PPL: variants seen among roughly 807,000 people sequenced by gnomAD.
PPL encodes 190 kDa paraneoplastic pemphigus antigen.
Under a neutral mutation model 194.4 loss-of-function variants are expected in PPL, and 198 were observed. The observed-to-expected ratio is 1.02, with a 90% CI of 0.91 to 1.15. PPL has a LOEUF of 1.15. Among genes scored for constraint, PPL ranks in the 50% most tolerant of loss-of-function variants. PPL has a pLI of 0.00. For missense variants in PPL, 2,885 were observed against 2,294.8 expected (o/e 1.26, Z -5.25); for synonymous variants, 1,220 against 972.4 (o/e 1.25, Z -4.74).
intron 6 of PPL, among the ~76,000 whole-genome samples, chr16:4,900,627 G>A (rs563773001): frequency 4.0e-5 from 6 of 151,700 alleles, no homozygotes; most frequent in African/African-American, 1.4e-4. Context: ...TTGTAGAGCT[G>A]GAGTCTCACT....
At chr16:4,907,079 TA>T (rs57847738) in intron 2 of PPL, among the ~76,000 whole-genome samples, 31,883 of 76,242 alleles carry the variant, frequency 0.42, 5,187 homozygotes, top group East Asian at 0.61. Flanking sequence ...ACCCTATCTC[TA>T]AAAAAAAAAA....
chr16:4,887,323 G>A lies in PPL; in HGVS notation c.2515-96C>T, dbSNP rs187474595. On this transcript the variant is annotated intron_variant, in intron 20 of 21. Coordinates refer to ENST00000345988, the MANE Select transcript of PPL (RefSeq NM_002705.5). ...AGCGTGGACGTGGTTCTTGAGAAGT[G>A]TGGAATTTGGGGGTAGAGGCATAGC... The A allele has an allele frequency of 6.4e-6, 6 of 934,530 alleles. No homozygotes were observed. In the East Asian group the frequency reaches 9.7e-5, roughly 15 times the overall value. 57.9% of individuals were successfully genotyped at this position (934,530 alleles called of 1,614,324 possible).
At chr16:4,911,088 G>C (rs1191515278) in intron 1 of PPL, 139 bp from the exon 2 acceptor site, 2 of 656,736 alleles carry the variant, frequency 3.0e-6, no homozygotes, top group African/African-American at 1.8e-5. Flanking sequence ...AGGTAGTTGG[G>C]CTGTTCCCAT....
intron 1 of PPL, among the ~76,000 whole-genome samples, chr16:4,935,090 C>T (rs1356575544): frequency 3.3e-5 from 5 of 152,132 alleles, no homozygotes; most frequent in South Asian, 2.1e-4. Flanking sequence ...TAGGACAGAC[C>T]GTGGCTGCCT....
chr16:4,901,089 C>G lies in PPL; in HGVS notation c.439G>C (p.Asp147His). The G allele has an allele frequency of 6.2e-7, 1 of 1,614,042 alleles. No homozygotes were observed. The highest frequency in any genetic ancestry group is 1.6e-4 in the Middle Eastern group (1 of 6,062). ...NWAALVEEKL[D>H]KLNNQSFGTD... ...CCAAAGCTCTGGTTGTTCAGCTTGTCCTGGCCAGGAGGGCAGAGAAGCAAT... is the reference window on the plus strand; with the variant it reads ...CCAAAGCTCTGGTTGTTCAGCTTGTGCTGGCCAGGAGGGCAGAGAAGCAAT... The change falls in exon 5 of 22, where the codon GAC (aspartate) becomes CAC (histidine). Residue 147 changes from aspartate to histidine, a missense_variant and splice_region_variant. Physicochemically the swap from Asp to His is moderately conservative, Grantham distance 81. Coordinates refer to ENST00000345988, the MANE Select transcript of PPL (RefSeq NM_002705.5).
chr16:4,890,585 G>C, intron 17 of PPL, 143 bp downstream of exon 17: 1 of 1,115,808 alleles, frequency 9.0e-7, no homozygotes. Flanking sequence ...TCAAAAGAGA[G>C]ACCACAGGGC....
intron 2 of PPL, among the ~76,000 whole-genome samples, chr16:4,905,113 G>C (rs1016171540): frequency 6.6e-6 from 1 of 152,180 alleles, no homozygotes. Flanking sequence ...ATGTCACTGA[G>C]GGGAATGAGT....
intron 12 of PPL, 76 bp from the exon 13 acceptor site, chr16:4,893,714 C>A: frequency 7.7e-7 from 1 of 1,303,262 alleles, no homozygotes; most frequent in Non-Finnish European, 1.1e-6. Context: ...ACTGCGGACT[C>A]TGGCTGGGCA....
At chr16:4,915,896 G>C (rs1310218545) in intron 1 of PPL, among the ~76,000 whole-genome samples, 2 of 152,166 alleles carry the variant, frequency 1.3e-5, no homozygotes, top group East Asian at 1.9e-4. Context: ...GCAGAGCCAG[G>C]ACTCTAGGCC....
chr16:4,925,251 G>C (rs112009321), intron 1 of PPL, among the ~76,000 whole-genome samples: 108 of 152,330 alleles, frequency 7.1e-4, no homozygotes, highest in African/African-American at 2.4e-3. Context: ...GGCCAGCTTG[G>C]GGGAGGTGCA....
chr16:4,919,243 G>T (rs1226830609), intron 1 of PPL, among the ~76,000 whole-genome samples: 1 of 152,150 alleles, frequency 6.6e-6, no homozygotes, highest in East Asian at 1.9e-4. Flanking sequence ...ACCCAGATGA[G>T]CAAACCAAGG....
rs764222308 is a variant in PPL at position 4,885,465 on chromosome 16, G to T, written c.3190C>A (p.Pro1064Thr). Reference protein sequence around the residue: ...EKEVVKLQNDPQLEAEYQQLQ... With the variant: ...EKEVVKLQNDTQLEAEYQQLQ... ...TGCTGGTACTCTGCCTCCAGCTGGG[G>T]GTCATTCTGCAGTTTCACCACCTCT... Residue 1064 changes from proline (P) to threonine (T), a missense_variant, in exon 22 of 22, where the codon CCC (proline) becomes ACC (threonine). Transcript: ENST00000345988. The surrounding 1 kb of genome is among the most constrained non-coding windows in gnomAD (Gnocchi z 6.3). 1 of 1,612,242 alleles carries T rather than the reference G, an allele frequency of 6.2e-7. No individual in the cohort carries two copies.
Position 4,885,361 on chromosome 16 carries a change from G to A in PPL, c.3294C>T (p.Leu1098=). 6.2e-7 allele frequency: 1 copy of A among 1,612,702 alleles called. No individual in the cohort carries two copies. Residue 1098 remains leucine (L), a synonymous_variant, in exon 22 of 22, where the codon CTC becomes CTT. Coordinates refer to ENST00000345988, the MANE Select transcript of PPL (RefSeq NM_002705.5). This position sits in a 1 kb window ranked among gnomAD's most constrained non-coding sequence, Gnocchi z 6.3. ...TGGCCCGCTCCTTCTCTAGCCTCTT[G>A]AGCTTGTCCTGGAGGAAGCTCAGCT... The part of the protein sequence containing the change: ...EEELSFLQDK[L]KRLEKERAMA...
chr16:4,924,347 G>A (rs1205182751), intron 1 of PPL, among the ~76,000 whole-genome samples: 1 of 152,156 alleles, frequency 6.6e-6, no homozygotes, highest in Admixed American at 6.5e-5. Flanking sequence ...TACGTGCACA[G>A]CCCATGTCAC....
Position 4,902,494 on chromosome 16 carries a change from A to G in PPL, c.350T>C (p.Leu117Pro). 2 of 1,613,680 alleles carry G rather than the reference A, an allele frequency of 1.2e-6. No individual in the cohort carries two copies. ...IRQLKERVTN[L>P]RGKHKQIYRL... is the part of the protein sequence containing the mutation. ...GTAGATCTGCTTGTGTTTCCCGCGC[A>G]GGTTGGTCACACGCTCCTTCAGCTG... The change falls in exon 4 of 22, where the codon CTG becomes CCG. Residue 117 changes from leucine to proline, a missense_variant. Coordinates refer to ENST00000345988, the MANE Select transcript of PPL (RefSeq NM_002705.5). This position sits in a 1 kb window ranked among gnomAD's most constrained non-coding sequence, Gnocchi z 4.0.
Position 4,937,040 on chromosome 16 carries a change from G to T in PPL, c.6C>A (p.Asn2Lys). The T allele has an allele frequency of 6.7e-7, 1 of 1,489,692 alleles. No individual in the cohort carries two copies. Among genetic ancestry groups the T allele is most frequent in the Non-Finnish European group, 9.0e-7 (1 of 1,114,060 alleles). The allele number at this position is 1,489,692 out of a possible 1,614,324, so 92.3% of individuals were successfully genotyped here. M[N>K]SLFRKRNKGK... The stretch of plus-strand genomic sequence containing the variant: ...CTTTGTTTCTCTTCCTGAAGAGCGA[G>T]TTCATGGTGGCGCTCGGGGTGCGGG... Residue 2 changes from asparagine (N) to lysine (K), a missense_variant, in exon 1 of 22, where the codon AAC (asparagine) becomes AAA (lysine). Transcript: ENST00000345988.
rs147643772 is a variant in PPL, at chr16:4,921,534, T to C, written c.63-10585A>G. ...CAGGCTGGAGTGCAGTGGCATGATC[T>C]TGGCTCACTGCAACCTCTGCCTCCT... is the stretch of plus-strand genomic sequence containing the variant. On this transcript the variant is annotated intron_variant, in intron 1 of 21. Coordinates refer to ENST00000345988, the MANE Select transcript of PPL (RefSeq NM_002705.5). Among the ~76,000 whole-genome samples, 409 of 152,284 alleles carry C rather than the reference T, an allele frequency of 2.7e-3. 17 individuals are homozygous for C. The East Asian group carries it at 0.072, about 27-fold the overall frequency.
intron 16 of PPL, 48 bp downstream of exon 16, chr16:4,891,763 T>C (rs751022084): frequency 3.1e-5 from 48 of 1,556,474 alleles, no homozygotes; most frequent in Non-Finnish European, 4.1e-5. Flanking sequence ...TGCCAGATGC[T>C]CTCACCTGCT....
chr16:4,915,207 T>C (rs577505849), intron 1 of PPL, among the ~76,000 whole-genome samples: 1 of 152,016 alleles, frequency 6.6e-6, no homozygotes, highest in East Asian at 1.9e-4. Flanking sequence ...GACATGGGAG[T>C]TGTGGGGCAA....
Sources: gnomAD v4.1 joint callset for allele counts (sites outside exome capture counted in the v4.1 genomes callset) on GRCh38, gnomAD v4.1.1 for gene constraint, Gnocchi (gnomAD v3.1) non-coding constraint, MANE v1.5 for transcripts, NCBI Gene and HGNC (gene_info 2026-07-23, HGNC 2026-07-21) for gene names.